The following MTREX variants were observed in gnomAD, a reference collection of about 807,000 sequenced individuals.
MTREX encodes exosome RNA helicase MTR4.
MTREX carries 76 observed loss-of-function variants against 135.4 expected under a neutral mutation model. The ratio of observed to expected loss-of-function variants is 0.56; its 90% CI spans 0.47 to 0.68. MTREX has a LOEUF of 0.68. Among genes scored for constraint, MTREX ranks in the 30% least tolerant of loss-of-function variants. The pLI is 0.00. For missense variants in MTREX, 920 were observed against 1,262.1 expected, an observed-to-expected ratio of 0.73 and a Z score of 4.11; for synonymous variants, 404 against 401.6, an observed-to-expected ratio of 1.01 and a Z score of -0.07.
intron 16 of MTREX, among the ~76,000 whole-genome samples, chr5:55,368,026 T>C (rs940317437): frequency 6.6e-6 from 1 of 152,210 alleles, no homozygotes; most frequent in Non-Finnish European, 1.5e-5. Flanking sequence ...AATTTAGATG[T>C]GGAGTTTTTG....
At chr5:55,379,416 C>G (rs1206424315) in intron 18 of MTREX, among the ~76,000 whole-genome samples, 2 of 152,092 alleles carry the variant, frequency 1.3e-5, no homozygotes, top group East Asian at 3.9e-4. Context: ...AACTCCTAAC[C>G]TCAGGTGATC....
chr5:55,383,781 A>AT (rs760300082), intron 18 of MTREX, among the ~76,000 whole-genome samples: 1 of 151,714 alleles, frequency 6.6e-6, no homozygotes, highest in African/African-American at 2.4e-5. Flanking sequence ...TTGTTTTGTC[A>AT]TTTTTAGAGA....
intron 10 of MTREX, among the ~76,000 whole-genome samples, chr5:55,345,660 T>A (rs1282785782): frequency 1.3e-5 from 2 of 151,568 alleles, no homozygotes; most frequent in Non-Finnish European, 2.9e-5. Flanking sequence ...GTTCGTTACT[T>A]TTAATTTTTT....
chr5:55,339,176 T>A (rs1443972879), intron 5 of MTREX, among the ~76,000 whole-genome samples: 1 of 152,226 alleles, frequency 6.6e-6, no homozygotes. Flanking sequence ...CTGCTTCTTT[T>A]TTCCTACATA....
intron 16 of MTREX, among the ~76,000 whole-genome samples, chr5:55,369,908 C>T (rs995807854): frequency 2.5e-5 from 3 of 120,838 alleles, no homozygotes; most frequent in Admixed American, 8.4e-5. Context: ...TTTTTCTTTT[C>T]TTTTTTCTTT....
Position 55,324,227 on chromosome 5 carries a change from G to A in MTREX, c.339+29G>A, listed in dbSNP as rs774064787. The stretch of plus-strand genomic sequence containing the variant: ...AGCACAAACAGCATACAGAAGGTTA[G>A]TGTTACAAATGGGATTTTTCTTTGG... On this transcript the variant is annotated intron_variant, in intron 3 of 26. Transcript: ENST00000230640. 5.3e-5 allele frequency: 82 copies of A among 1,547,080 alleles called. No homozygotes were observed. In the South Asian group the frequency reaches 9.1e-4, roughly 17 times the overall value.
chr5:55,423,409 G>GA, intron 26 of MTREX: 1 of 160,394 alleles, frequency 6.2e-6, no homozygotes, highest in East Asian at 1.8e-4. Flanking sequence ...CACAGGGAAG[G>GA]TGGCAGTTAA....
chr5:55,344,550 G>C lies in MTREX; in HGVS notation c.935G>C (p.Arg312Pro). The C allele has an allele frequency of 6.2e-7, 1 of 1,610,406 alleles. No homozygotes were observed. The highest frequency in any genetic ancestry group is 8.5e-7 in the Non-Finnish European group (1 of 1,177,612). ...QPCHVIYTDY[R>P]PTPLQHYIFP... is the part of the protein sequence containing the mutation. ...TGTCATGTTATTTACACAGATTATC[G>C]GCCCACTCCATTGCAACACTACATT... Residue 312 changes from arginine (R) to proline (P), a missense_variant, in exon 9 of 27, where the codon CGG (arginine) becomes CCG (proline). By Grantham distance (103) the Arg-to-Pro change is moderately radical. This residue lies in a region of MTREX where 88 missense variants were observed against 202.5 expected (regional missense o/e 0.43). Transcript: ENST00000230640.
intron 2 of MTREX, among the ~76,000 whole-genome samples, chr5:55,322,975 CCTTGGTTGACCTG>C (rs1749313268): frequency 6.6e-6 from 1 of 152,094 alleles, no homozygotes; most frequent in Admixed American, 6.6e-5. Flanking sequence ...ATGCCAGTAC[CCTTGGTTGACCTG>C]TTTTGTATTG....
intron 7 of MTREX, among the ~76,000 whole-genome samples, chr5:55,342,381 T>C (rs1242932128): frequency 6.6e-6 from 1 of 152,220 alleles, no homozygotes; most frequent in Non-Finnish European, 1.5e-5. Context: ...GTTACAGAAT[T>C]TCTAAAACTT....
intron 16 of MTREX, among the ~76,000 whole-genome samples, chr5:55,377,199 C>T (rs1322320938): frequency 2.6e-5 from 4 of 151,992 alleles, no homozygotes; most frequent in Non-Finnish European, 5.9e-5. Flanking sequence ...TGGTAGCGGG[C>T]GCCTGTAGTC....
At chr5:55,309,122 G>A (rs191965922) in intron 1 of MTREX, among the ~76,000 whole-genome samples, 1,734 of 152,278 alleles carry the variant, frequency 0.011, 15 homozygotes, top group Non-Finnish European at 0.018. Context: ...AATATTCTGA[G>A]TTAAGGAAAT....
At chr5:55,400,499 C>G in intron 21 of MTREX, 78 bp downstream of exon 21, 2 of 1,039,590 alleles carry the variant, frequency 1.9e-6, no homozygotes, top group Non-Finnish European at 2.7e-6. Context: ...TTTTCTTATC[C>G]TGTTGGTTTA....
intron 25 of MTREX, among the ~76,000 whole-genome samples, chr5:55,421,019 TG>T (rs904992274): frequency 4.9e-4 from 74 of 152,314 alleles, no homozygotes; most frequent in African/African-American, 1.8e-3. Context: ...TAGAAAGAAT[TG>T]GATTTCTCTT....
intron 22 of MTREX, among the ~76,000 whole-genome samples, chr5:55,405,867 A>C (rs1170483576): frequency 1.3e-5 from 2 of 152,220 alleles, no homozygotes; most frequent in Non-Finnish European, 2.9e-5. Context: ...GAAAAATCTT[A>C]GATCTCAGTA....
chr5:55,318,087 T>G (rs1237521720), intron 1 of MTREX, among the ~76,000 whole-genome samples: 2 of 152,084 alleles, frequency 1.3e-5, no homozygotes, highest in Non-Finnish European at 2.9e-5. Flanking sequence ...CTAACACCAG[T>G]CAGAATGGCT....
At chr5:55,387,926 G>A in intron 18 of MTREX, 48 bp from the exon 19 acceptor site, 1 of 1,515,436 alleles carries the variant, frequency 6.6e-7, no homozygotes, top group Non-Finnish European at 8.9e-7. Context: ...TAAAATTTAT[G>A]GGCCAGTTTC....
At chr5:55,322,035 C>T (rs564906534) in intron 1 of MTREX, among the ~76,000 whole-genome samples, 2 of 152,186 alleles carry the variant, frequency 1.3e-5, no homozygotes, top group African/African-American at 4.8e-5. Context: ...ATGTTAATGT[C>T]TAATGATGTT....
At chr5:55,345,221 G>T (rs769781200) in intron 10 of MTREX, 25 bp downstream of exon 10, 7 of 1,411,744 alleles carry the variant, frequency 5.0e-6, no homozygotes, top group Middle Eastern at 1.8e-4. Flanking sequence ...TGCTTTGAGA[G>T]AATTTTACAT....
Sources: gnomAD v4.1 joint callset for allele counts (sites outside exome capture counted in the v4.1 genomes callset) on GRCh38, gnomAD v4.1.1 for gene constraint, gnomAD v4.1.1 regional missense constraint, MANE v1.5 for transcripts, NCBI Gene and HGNC (gene_info 2026-07-23, HGNC 2026-07-21) for gene names.